Variants in PLEKHH1 observed in about 807,000 individuals in gnomAD.
PLEKHH1 encodes the protein pleckstrin homology, MyTH4 and FERM domain containing H1, also known as pleckstrin homology domain-containing family H member 1.
PLEKHH1 carries 104 observed loss-of-function variants against 160.0 expected under a neutral mutation model. The observed-to-expected ratio is 0.65, with a 90% CI of 0.55 to 0.76. The LOEUF is 0.76. Among genes scored for constraint, PLEKHH1 ranks in the 30% least tolerant of loss-of-function variants. The pLI is 0.00. For missense variants in PLEKHH1, 1,427 were observed against 1,724.1 expected (o/e 0.83, Z 3.05); for synonymous variants, 619 against 678.4 (o/e 0.91, Z 1.36).
At chr14:67,586,841 T>C in intron 28 of PLEKHH1, 1 of 1,491,460 alleles carries the variant, frequency 6.7e-7, no homozygotes, top group Non-Finnish European at 8.9e-7. Context: ...GGGCCTCCTT[T>C]TCTCAGAAGG....
chr14:67,583,176 G>A (rs1183612042), intron 24 of PLEKHH1, among the ~76,000 whole-genome samples: 1 of 152,206 alleles, frequency 6.6e-6, no homozygotes, highest in African/African-American at 2.4e-5. Context: ...AGAGGAAACA[G>A]TAATAGTTGA....
chr14:67,543,930 G>C (rs908254071), intron 2 of PLEKHH1, among the ~76,000 whole-genome samples: 7 of 152,286 alleles, frequency 4.6e-5, no homozygotes, highest in Admixed American at 1.3e-4. Context: ...ACTCAACTCT[G>C]ACAGCTGATT....
At chr14:67,559,554 A>G in intron 4 of PLEKHH1, 54 bp from the exon 5 acceptor site, 1 of 1,272,864 alleles carries the variant, frequency 7.9e-7, no homozygotes, top group Non-Finnish European at 1.1e-6. Context: ...ACCTCCAGTC[A>G]GTCACTCTCC....
intron 2 of PLEKHH1, among the ~76,000 whole-genome samples, chr14:67,552,952 G>A (rs538032878): frequency 8.5e-4 from 130 of 152,200 alleles, no homozygotes; most frequent in African/African-American, 3.0e-3. Flanking sequence ...AATAAAATCC[G>A]GAGGGGAAAA....
In PLEKHH1 at chr14:67,572,125, C is replaced by G; in HGVS notation, c.1586-10C>G. 6.2e-7 allele frequency: 1 copy of G among 1,603,168 alleles called. No homozygotes were observed. The highest frequency in any genetic ancestry group is 1.1e-5 in the South Asian group (1 of 88,722). On this transcript the variant is annotated splice_polypyrimidine_tract_variant and intron_variant, in intron 10 of 28. Transcript: ENST00000329153. ...GGGACCCGGGCCTTGACTCCTCCTC[C>G]CTCGGCAAGGCGTCTCCATGTCCTC...
intron 1 of PLEKHH1, among the ~76,000 whole-genome samples, chr14:67,541,116 G>A (rs1416627967): frequency 1.3e-5 from 2 of 152,160 alleles, no homozygotes; most frequent in African/African-American, 2.4e-5. Flanking sequence ...TGGATGATTC[G>A]ATGATAACAA....
At chr14:67,552,739 C>T (rs1033256727) in intron 2 of PLEKHH1, among the ~76,000 whole-genome samples, 4 of 150,722 alleles carry the variant, frequency 2.7e-5, no homozygotes, top group African/African-American at 9.8e-5. Context: ...TGCACTCCAG[C>T]CTGGGCGACA....
chr14:67,545,205 C>T (rs370334993), intron 2 of PLEKHH1, among the ~76,000 whole-genome samples: 2 of 152,242 alleles, frequency 1.3e-5, no homozygotes, highest in East Asian at 1.9e-4. Flanking sequence ...GTTAGTGACT[C>T]GGAGGTTTCA....
At chr14:67,540,008 C>T in intron 1 of PLEKHH1, among the ~76,000 whole-genome samples, 1 of 152,190 alleles carries the variant, frequency 6.6e-6, no homozygotes, top group Non-Finnish European at 1.5e-5. Flanking sequence ...GAGAGGCTAA[C>T]TTTGCACTGT....
chr14:67,584,734 G>A (rs1265963845), intron 26 of PLEKHH1, among the ~76,000 whole-genome samples: 18 of 152,212 alleles, frequency 1.2e-4, no homozygotes, highest in Admixed American at 1.0e-3. Flanking sequence ...TATAAGAAGT[G>A]AGAAAATCAG....
chr14:67,542,111 A>G (rs1228667815), intron 2 of PLEKHH1, 118 bp downstream of exon 2: 2 of 963,804 alleles, frequency 2.1e-6, no homozygotes, highest in African/African-American at 3.3e-5. Flanking sequence ...TTTTCCCCAT[A>G]TGCAAAATGA....
intron 26 of PLEKHH1, among the ~76,000 whole-genome samples, chr14:67,584,360 C>A (rs898351677): frequency 2.0e-5 from 3 of 146,640 alleles, no homozygotes; most frequent in African/African-American, 8.2e-5. Context: ...AACTAATTCA[C>A]ACACACAAAG....
At chr14:67,551,098 C>T (rs2034374960) in intron 2 of PLEKHH1, among the ~76,000 whole-genome samples, 1 of 152,204 alleles carries the variant, frequency 6.6e-6, no homozygotes, top group Non-Finnish European at 1.5e-5. Flanking sequence ...TAAATGCCCA[C>T]AACACAGTGT....
In PLEKHH1 at chr14:67,559,639, T is replaced by C; in HGVS notation, c.371T>C (p.Val124Ala). 2 of 1,605,116 alleles carry C rather than the reference T, an allele frequency of 1.2e-6. No homozygotes were observed. The highest frequency in any genetic ancestry group is 1.7e-6 in the Non-Finnish European group (2 of 1,175,954). ...ATGAGGGCAGAGGAAGCAAAAACTGTTCAAGAAAAAGCTGCAAAGATCAAG... is the reference window on the plus strand; with the variant it reads ...ATGAGGGCAGAGGAAGCAAAAACTGCTCAAGAAAAAGCTGCAAAGATCAAG... ...KQMRAEEAKT[V>A]QEKAAKIKEW... The change falls in exon 5 of 29, where the codon GTT becomes GCT. Residue 124 changes from valine to alanine, a missense_variant. Val to Ala is a moderately conservative substitution (Grantham distance 64). Around this residue, in one of 6 missense-constraint regions of PLEKHH1, gnomAD observed 831 missense variants for 929.2 expected, o/e 0.89. Transcript: ENST00000329153.
Position 67,577,426 on chromosome 14 carries a change from TGGCGGCCAGGCCCACC to T in PLEKHH1, c.2574+14_2574+29del, listed in dbSNP as rs763301735. 6.6e-7 allele frequency: 1 copy of T among 1,518,422 alleles called. No individual in the cohort carries two copies. The highest frequency in any genetic ancestry group is 9.0e-7 in the Non-Finnish European group (1 of 1,113,200). 94.1% of individuals were successfully genotyped at this position (1,518,422 alleles called of 1,614,324 possible). ...TCAAGCTCTTCAAGGTAAATTGGGG[TGGCGGCCAGGCCCACC>T]GCTGGGATACTTGCAATACTTGGGT... On this transcript the variant is annotated intron_variant, in intron 18 of 28. Transcript: ENST00000329153.
intron 22 of PLEKHH1, among the ~76,000 whole-genome samples, chr14:67,580,529 T>G (rs372176454): frequency 5.2e-5 from 8 of 152,396 alleles, no homozygotes; most frequent in African/African-American, 1.9e-4. Context: ...GGAAAAACTA[T>G]GCCACATACC....
rs144520197 is a variant in PLEKHH1 at position 67,575,919 on chromosome 14, C to G, written c.2266C>G (p.Arg756Gly). The G allele has an allele frequency of 6.2e-7, 1 of 1,613,788 alleles. No homozygotes were observed. Among genetic ancestry groups the G allele is most frequent in the Non-Finnish European group, 8.5e-7 (1 of 1,179,706 alleles). The change falls in exon 16 of 29, where the codon CGG (arginine) becomes GGG (glycine). Residue 756 changes from arginine (R) to glycine (G), a missense_variant. This residue lies in a region of PLEKHH1 where 436 missense variants were observed against 607.5 expected (regional missense o/e 0.72). Transcript: ENST00000329153. The stretch of plus-strand genomic sequence containing the variant: ...GGACTATGAGGCTGGAGGAACCAGA[C>G]GGTTGCTTTCCTCCCACTGCACCCT... ...DEDYEAGGTR[R>G]LLSSHCTLVI...
chr14:67,562,278 T>C lies in PLEKHH1; in HGVS notation c.647T>C (p.Leu216Pro). 3 of 1,613,752 alleles carry C rather than the reference T, an allele frequency of 1.9e-6. No homozygotes were observed. The highest frequency in any genetic ancestry group is 2.5e-6 in the Non-Finnish European group (3 of 1,179,806). Residue 216 changes from leucine to proline, a missense_variant, in exon 7 of 29, where the codon CTT becomes CCT. Around this residue, in one of 6 missense-constraint regions of PLEKHH1, gnomAD observed 831 missense variants for 929.2 expected, o/e 0.89. Coordinates refer to ENST00000329153, the MANE Select transcript of PLEKHH1 (RefSeq NM_020715.3). Reference sequence around the variant, plus strand: ...GCCCAGGGTCTGAAGGCAGCTGTGCTTGCACCTTCCCCAGGTGCCCTGCAG... The same window carrying C: ...GCCCAGGGTCTGAAGGCAGCTGTGCCTGCACCTTCCCCAGGTGCCCTGCAG... ...SQAQGLKAAVLAPSPGALQSK... is the reference protein window; with the variant it reads ...SQAQGLKAAVPAPSPGALQSK...
chr14:67,542,015 G>T, intron 2 of PLEKHH1, 22 bp downstream of exon 2: 1 of 1,579,198 alleles, frequency 6.3e-7, no homozygotes, highest in Non-Finnish European at 8.6e-7. Context: ...AGAGCAGGGA[G>T]CTGCCTCTCC....
Sources: gnomAD v4.1 joint callset for allele counts (sites outside exome capture counted in the v4.1 genomes callset) on GRCh38, gnomAD v4.1.1 for gene constraint, gnomAD v4.1.1 regional missense constraint, MANE v1.5 for transcripts, NCBI Gene and HGNC (gene_info 2026-07-23, HGNC 2026-07-21) for gene names.